Variants in TRRAP observed in about 807,000 individuals in gnomAD.
TRRAP encodes transformation/transcription domain associated protein, also known as transformation/transcription domain-associated protein.
TRRAP carries 41 observed loss-of-function variants against 438.8 expected under a neutral mutation model. The observed-to-expected ratio is 0.09, with a 90% CI of 0.07 to 0.12. The LOEUF (loss-of-function observed/expected upper bound fraction) is 0.12, where lower values mean the gene tolerates loss of function less well. Ranked by LOEUF, TRRAP falls within the 10% of genes least tolerant of loss-of-function variation. The probability of loss-of-function intolerance (pLI) is 1.00; values close to 1 mark genes in which losing one functional copy is unlikely to be tolerated. For synonymous variants in TRRAP, 1,994 were observed against 1,962.9 expected (o/e 1.02, Z -0.42); for missense variants, 3,122 against 5,055.1 (o/e 0.62, Z 11.60).
At chr7:98,967,381 T>C in intron 50 of TRRAP, 104 bp from the exon 51 acceptor site, 1 of 1,390,304 alleles carries the variant, frequency 7.2e-7, no homozygotes, top group Non-Finnish European at 9.9e-7. Context: ...TTGGTTTTCA[T>C]AGTGGCATTT....
intron 30 of TRRAP, among the ~76,000 whole-genome samples, chr7:98,939,809 C>T (rs1554415139): frequency 6.6e-6 from 1 of 152,196 alleles, no homozygotes; most frequent in Non-Finnish European, 1.5e-5. Flanking sequence ...GTGTATGTCT[C>T]CTCTTGAAAA....
In TRRAP at chr7:98,999,375, C is replaced by G; in HGVS notation, c.10309+4527C>G. 3.6e-6 allele frequency: 5 copies of G among 1,379,798 alleles called. No individual in the cohort carries two copies. In the South Asian group the frequency reaches 4.7e-5, roughly 13 times the overall value. The allele number at this position is 1,379,798 out of a possible 1,614,324, so 85.5% of individuals were successfully genotyped here. A position where few individuals can be genotyped will look rare whatever the true frequency, so the allele number is the denominator to read the frequency against. On this transcript the variant is annotated intron_variant, in intron 67 of 72. Coordinates refer to ENST00000456197, the MANE Select transcript of TRRAP (RefSeq NM_001375524.1). The stretch of plus-strand genomic sequence containing the variant: ...CAGTGATTCCACATCCTGCACAGCT[C>G]TCTCATCCACAATTTCCTCTTGATC...
intron 64 of TRRAP, 142 bp downstream of exon 64, chr7:98,990,761 T>C: frequency 1.1e-6 from 1 of 886,018 alleles, no homozygotes; most frequent in Non-Finnish European, 1.6e-6. Context: ...ATCATGTAGA[T>C]ATTATTTAAT....
Position 98,994,489 on chromosome 7 carries a change from C to T in TRRAP, c.10048-98C>T. Reference sequence around the variant, plus strand: ...GTCCTGCCGGGGAGTGCAGAGATGACCCTGGGCTGGGAGGGCCGCACTCAA... The same window carrying T: ...GTCCTGCCGGGGAGTGCAGAGATGATCCTGGGCTGGGAGGGCCGCACTCAA... On this transcript the variant is annotated intron_variant, in intron 66 of 72. Transcript: ENST00000456197. The surrounding 1 kb of genome is among the most constrained non-coding windows in gnomAD (Gnocchi z 4.8). 2 of 1,544,342 alleles carry T rather than the reference C, an allele frequency of 1.3e-6. No individual in the cohort carries two copies. The highest frequency in any genetic ancestry group is 1.8e-6 in the Non-Finnish European group (2 of 1,135,550).
In TRRAP at chr7:98,886,455, T is replaced by G. The variant is rs560326228; in HGVS notation, c.151-3880T>G. Among the ~76,000 whole-genome samples, 78 of 151,968 alleles carry G rather than the reference T, an allele frequency of 5.1e-4. 1 individual carries two copies. The highest frequency in any genetic ancestry group is 8.2e-4 in the Non-Finnish European group (56 of 67,930). On this transcript the variant is annotated intron_variant, in intron 3 of 72. Coordinates refer to ENST00000456197, the MANE Select transcript of TRRAP (RefSeq NM_001375524.1). ...AGAGATATAGATATCTAGATAGATA[T>G]AGATATCTAGAGAGATAGAGATAGA...
chr7:98,953,752 G>A lies in TRRAP; in HGVS notation c.5730+319G>A, dbSNP rs79143030. On this transcript the variant is annotated intron_variant, in intron 40 of 72. Transcript: ENST00000456197. Reference sequence around the variant, plus strand: ...TGGCTGCACACAGTGTGAAGGTGCCGAGCGCCACTGGGCTGTGCACCCAAA... The same window carrying A: ...TGGCTGCACACAGTGTGAAGGTGCCAAGCGCCACTGGGCTGTGCACCCAAA... Among the ~76,000 whole-genome samples, 1,379 of 152,256 alleles carry A rather than the reference G, an allele frequency of 9.1e-3. 82 individuals carry two copies. Among genetic ancestry groups the A allele is most frequent in the Admixed American group, 0.072 (1,101 of 15,300 alleles).
rs80315057 is a variant in TRRAP, at chr7:98,988,143, C to T, written c.9390-622C>T. 6.6e-5 allele frequency among the ~76,000 whole-genome samples: 10 copies of T among 152,266 alleles called. No individual in the cohort carries two copies. The East Asian group carries it at 1.9e-3, about 29-fold the overall frequency. On this transcript the variant is annotated intron_variant, in intron 62 of 72. Transcript: ENST00000456197. ...CGTCTGTATCATAAAGCACCTGGGT[C>T]TGAAGTTCCCTTGCTATGTCTGGTA... is the stretch of plus-strand genomic sequence containing the variant.
Position 98,993,525 on chromosome 7 carries a change from G to T in TRRAP, c.9848-13G>T, listed in dbSNP as rs755531659. On this transcript the variant is annotated splice_polypyrimidine_tract_variant and intron_variant, in intron 65 of 72. Coordinates refer to ENST00000456197, the MANE Select transcript of TRRAP (RefSeq NM_001375524.1). Reference sequence around the variant, plus strand: ...TTTTGCGCTGACACTGGCGTTGTGTGTGTTGCTCTCAGATTCTGGACAGCA... The same window carrying T: ...TTTTGCGCTGACACTGGCGTTGTGTTTGTTGCTCTCAGATTCTGGACAGCA... 2 of 1,607,152 alleles carry T rather than the reference G, an allele frequency of 1.2e-6. No homozygotes were observed. Among genetic ancestry groups the T allele is most frequent in the Non-Finnish European group, 1.7e-6 (2 of 1,179,998 alleles).
At chr7:98,888,707 C>A (rs1554404341) in intron 3 of TRRAP, among the ~76,000 whole-genome samples, 1 of 152,190 alleles carries the variant, frequency 6.6e-6, no homozygotes, top group Non-Finnish European at 1.5e-5. Flanking sequence ...ACTTGCCTTT[C>A]AAGTTTTAGT....
intron 16 of TRRAP, 68 bp downstream of exon 16, chr7:98,910,675 G>T: frequency 7.3e-7 from 1 of 1,360,768 alleles, no homozygotes; most frequent in Non-Finnish European, 1.0e-6. Context: ...AGGTCATAGT[G>T]GTGGGGTGGC....
At chr7:98,884,713 A>G (rs569603500) in intron 3 of TRRAP, among the ~76,000 whole-genome samples, 4 of 152,008 alleles carry the variant, frequency 2.6e-5, no homozygotes, top group African/African-American at 9.7e-5. Flanking sequence ...TCTCCTGAAC[A>G]CTGAGGATTT....
In TRRAP at chr7:98,983,944, A is replaced by G. The variant is rs372960443; in HGVS notation, c.9023-149A>G. ...GCACCTTTTAAAAGTTGCTTATGGC[A>G]TAAAATACAAAGTAACGAGGGTTTA... is the stretch of plus-strand genomic sequence containing the variant. On this transcript the variant is annotated intron_variant, in intron 60 of 72. Transcript: ENST00000456197. The G allele has an allele frequency of 3.5e-5, 37 of 1,060,406 alleles. 1 individual carries two copies. In the East Asian group the frequency reaches 6.7e-4, roughly 19 times the overall value. The allele number at this position is 1,060,406 out of a possible 1,614,324, so 65.7% of individuals were successfully genotyped here. A position where few individuals can be genotyped will look rare whatever the true frequency, so the allele number is the denominator to read the frequency against.
intron 38 of TRRAP, 35 bp downstream of exon 38, chr7:98,950,297 G>A (rs782094412): frequency 6.2e-7 from 1 of 1,604,060 alleles, no homozygotes; most frequent in Admixed American, 1.7e-5. Flanking sequence ...AAGGGTATGG[G>A]TATTTGGTCT....
intron 67 of TRRAP, among the ~76,000 whole-genome samples, chr7:99,001,962 A>C (rs1013973542): frequency 2.5e-4 from 38 of 152,198 alleles, no homozygotes; most frequent in Admixed American, 6.5e-5. Context: ...ATGAGGAGTT[A>C]ATTATTGATA....
intron 27 of TRRAP, among the ~76,000 whole-genome samples, chr7:98,934,921 T>C (rs1562949051): frequency 1.3e-5 from 2 of 152,218 alleles, no homozygotes; most frequent in Non-Finnish European, 2.9e-5. Flanking sequence ...TTAAGTCTTT[T>C]ACCAGGTTGG....
rs1023839393 is a variant in TRRAP at position 98,946,675 on chromosome 7, A to G, written c.4548+725A>G. ...ACACATGCACACACAACACACATGC[A>G]CACATACCACACATGCACACACACA... On this transcript the variant is annotated intron_variant, in intron 33 of 72. Transcript: ENST00000456197. 3.3e-5 allele frequency among the ~76,000 whole-genome samples: 5 copies of G among 152,044 alleles called. No individual in the cohort carries two copies. In the South Asian group the frequency reaches 8.3e-4, roughly 25 times the overall value.
chr7:98,930,587 CAAG>C (rs1217837494), intron 24 of TRRAP, 43 bp from the exon 25 acceptor site: 3 of 1,602,552 alleles, frequency 1.9e-6, no homozygotes, highest in East Asian at 4.5e-5. Context: ...TCAAAAAAAA[CAAG>C]AATTGCAGTA....
chr7:98,888,939 G>A (rs896034377), intron 3 of TRRAP, among the ~76,000 whole-genome samples: 1 of 151,664 alleles, frequency 6.6e-6, no homozygotes, highest in Non-Finnish European at 1.5e-5. Flanking sequence ...TTGAGCACAT[G>A]ATAGGAGTTT....
chr7:98,985,071 G>A (rs1436058974), intron 62 of TRRAP, 27 bp downstream of exon 62: 1 of 1,446,620 alleles, frequency 6.9e-7, no homozygotes, highest in Admixed American at 1.9e-5. Flanking sequence ...GAAAGGATAA[G>A]AGAAAAAATG....
Sources: allele counts gnomAD v4.1 joint callset (sites outside exome capture counted in the v4.1 genomes callset), GRCh38; gene constraint gnomAD v4.1.1; non-coding constraint Gnocchi (gnomAD v3.1); transcripts MANE v1.5; gene names NCBI Gene and HGNC (gene_info 2026-07-23, HGNC 2026-07-21).